ZNF780B: variants seen among roughly 807,000 people sequenced by gnomAD.
ZNF780B encodes the protein zinc finger protein 780B, also known as zinc finger protein 779.
ZNF780B carries 52 observed loss-of-function variants against 74.1 expected under a neutral mutation model. The ratio of observed to expected loss-of-function variants is 0.70; its 90% CI spans 0.56 to 0.88. The LOEUF is 0.88. Among genes scored for constraint, ZNF780B ranks in the 40% least tolerant of loss-of-function variants. The pLI is 0.00. For missense variants in ZNF780B, 953 were observed against 1,007.6 expected, an observed-to-expected ratio of 0.95 and a Z score of 0.73; for synonymous variants, 315 against 324.3, an observed-to-expected ratio of 0.97 and a Z score of 0.31.
chr19:40,050,932 G>A (rs1333385736), intron 1 of ZNF780B, among the ~76,000 whole-genome samples: 1 of 152,174 alleles, frequency 6.6e-6, no homozygotes, highest in East Asian at 1.9e-4. Flanking sequence ...GAATAGCCAT[G>A]TAATAGAATA....
At chr19:40,048,861 G>A in intron 2 of ZNF780B, 65 bp from the exon 3 acceptor site, 4 of 1,605,172 alleles carry the variant, frequency 2.5e-6, no homozygotes, top group Non-Finnish European at 3.4e-6. Context: ...GAAAGGAGAG[G>A]AAGTGAAGGA....
chr19:40,038,685 A>C (rs1972477969), intron 4 of ZNF780B, among the ~76,000 whole-genome samples: 1 of 151,928 alleles, frequency 6.6e-6, no homozygotes, highest in African/African-American at 2.4e-5. Context: ...GCATTTTTTC[A>C]TGTGTTTTTT....
At chr19:40,041,212 G>T (rs2144759344) in intron 4 of ZNF780B, among the ~76,000 whole-genome samples, 1 of 152,264 alleles carries the variant, frequency 6.6e-6, no homozygotes, top group South Asian at 2.1e-4. Flanking sequence ...GTAGTTGAGT[G>T]GTTTTGAGTG....
intron 4 of ZNF780B, among the ~76,000 whole-genome samples, chr19:40,038,061 C>G (rs1972438346): frequency 6.6e-6 from 1 of 151,988 alleles, no homozygotes; most frequent in South Asian, 2.1e-4. Context: ...TATCCCTCCC[C>G]ACCTCCTCCC....
chr19:40,053,511 A>G (rs1008297165), intron 1 of ZNF780B, among the ~76,000 whole-genome samples: 15 of 152,212 alleles, frequency 9.9e-5, no homozygotes, highest in African/African-American at 3.6e-4. Context: ...AGGTTCCTCA[A>G]AAAATTAGAA....
intron 4 of ZNF780B, 174 bp downstream of exon 4, chr19:40,047,201 C>T (rs1430277559): frequency 7.9e-6 from 5 of 634,342 alleles, no homozygotes; most frequent in Middle Eastern, 8.5e-4. Context: ...TTGGGGACAG[C>T]TCCTACAGTG....
At chr19:40,041,271 C>T (rs375527060) in intron 4 of ZNF780B, among the ~76,000 whole-genome samples, 3 of 152,072 alleles carry the variant, frequency 2.0e-5, no homozygotes, top group Non-Finnish European at 1.5e-5. Context: ...GTCTGAGAGA[C>T]AGTTTGTTAT....
intron 1 of ZNF780B, among the ~76,000 whole-genome samples, chr19:40,055,050 C>T (rs898290198): frequency 2.6e-5 from 4 of 152,208 alleles, no homozygotes; most frequent in Non-Finnish European, 5.9e-5. Flanking sequence ...TCCATTCTTC[C>T]CTACTTGGAA....
At chr19:40,047,351 C>T (rs769908826) in intron 4 of ZNF780B, 24 bp downstream of exon 4, 68 of 1,583,994 alleles carry the variant, frequency 4.3e-5, no homozygotes, top group Non-Finnish European at 5.7e-5. Flanking sequence ...ATGGCTTCCC[C>T]CTGCCTGCTT....
chr19:40,041,446 A>C (rs904115548), intron 4 of ZNF780B, among the ~76,000 whole-genome samples: 6 of 152,026 alleles, frequency 3.9e-5, no homozygotes, highest in Admixed American at 3.9e-4. Context: ...GCTGAGTTCA[A>C]TTTCTGGGTA....
intron 2 of ZNF780B, among the ~76,000 whole-genome samples, chr19:40,049,378 A>G (rs940617594): frequency 6.6e-6 from 1 of 152,214 alleles, no homozygotes; most frequent in Non-Finnish European, 1.5e-5. Flanking sequence ...GTAAAATTCA[A>G]AATAACTGAC....
rs774423631 is a variant in ZNF780B at position 40,029,522 on chromosome 19, A to C, written c.*4835T>G. On this transcript the variant is annotated 3_prime_UTR_variant, in exon 5 of 5. Transcript: ENST00000434248. Reference sequence around the variant, plus strand: ...AAACAAGAGCAGATCATAGAAATGTAAGTTGAGAAAATTCAGAGGGAACTT... The same window carrying C: ...AAACAAGAGCAGATCATAGAAATGTCAGTTGAGAAAATTCAGAGGGAACTT... 2.6e-5 allele frequency: 4 copies of C among 154,866 alleles called. No individual in the cohort carries two copies. Among genetic ancestry groups the C allele is most frequent in the Non-Finnish European group, 4.4e-5 (3 of 68,224 alleles). The allele number at this position is 154,866 out of a possible 1,614,324, so 9.6% of individuals were successfully genotyped here.
rs1049460407 is a variant in ZNF780B at position 40,033,042 on chromosome 19, C to T, written c.*1315G>A. The stretch of plus-strand genomic sequence containing the variant: ...GGGGGGGATATGTGTATATATTTTA[C>T]TATTCTTTCAAAACCCACAACAATT... On this transcript the variant is annotated 3_prime_UTR_variant, in exon 5 of 5. Coordinates refer to ENST00000434248, the MANE Select transcript of ZNF780B (RefSeq NM_001005851.3). 1 of 152,404 alleles carries T rather than the reference C, an allele frequency of 6.6e-6. No individual in the cohort carries two copies. The highest frequency in any genetic ancestry group is 3.3e-3 in the Middle Eastern group (1 of 300). The allele number at this position is 152,404 out of a possible 1,614,324, so 9.4% of individuals were successfully genotyped here.
At chr19:40,049,070 AAAAAG>A in intron 2 of ZNF780B, 5 of 383,708 alleles carry the variant, frequency 1.3e-5, no homozygotes, top group East Asian at 5.4e-5. Context: ...GAAAAAAAAA[AAAAAG>A]AAAGAAAGAA....
chr19:40,049,059 G>GT, intron 2 of ZNF780B: 4 of 351,420 alleles, frequency 1.1e-5, no homozygotes, highest in Admixed American at 4.5e-5. Flanking sequence ...TGCACTCCCT[G>GT]GAAAAAAAAA....
At chr19:40,054,731 GTAT>G (rs1319494123) in intron 1 of ZNF780B, among the ~76,000 whole-genome samples, 3 of 152,172 alleles carry the variant, frequency 2.0e-5, no homozygotes, top group Non-Finnish European at 2.9e-5. Context: ...AGGTTTTAGA[GTAT>G]TAATTCATTC....
intron 2 of ZNF780B, among the ~76,000 whole-genome samples, chr19:40,049,993 C>T (rs1158952223): frequency 6.6e-6 from 1 of 151,846 alleles, no homozygotes; most frequent in Admixed American, 6.6e-5. Context: ...GTCAGGAGAT[C>T]GAGACCATCC....
rs17654098 is a variant in ZNF780B, at chr19:40,032,015, G to A, written c.*2342C>T. Reference sequence around the variant, plus strand: ...CCTACAAAGTATTCTTCCCCAAAACGTTTAATCTAGACCTAAGAAAGCCTC... The same window carrying A: ...CCTACAAAGTATTCTTCCCCAAAACATTTAATCTAGACCTAAGAAAGCCTC... On this transcript the variant is annotated 3_prime_UTR_variant, in exon 5 of 5. Coordinates refer to ENST00000434248, the MANE Select transcript of ZNF780B (RefSeq NM_001005851.3). The A allele has an allele frequency of 0.018, 8,117 of 450,900 alleles. 129 individuals are homozygous for A. Among genetic ancestry groups the A allele is most frequent in the South Asian group, 0.04 (2,560 of 64,066 alleles). The allele number at this position is 450,900 out of a possible 1,614,324, so 27.9% of individuals were successfully genotyped here.
chr19:40,039,629 T>A (rs1471647844), intron 4 of ZNF780B, among the ~76,000 whole-genome samples: 2 of 152,148 alleles, frequency 1.3e-5, no homozygotes, highest in African/African-American at 4.8e-5. Context: ...GTCCTTCACA[T>A]CCCTTGTAAG....
Sources: allele counts gnomAD v4.1 joint callset (sites outside exome capture counted in the v4.1 genomes callset), GRCh38; gene constraint gnomAD v4.1.1; transcripts MANE v1.5; gene names NCBI Gene and HGNC (gene_info 2026-07-23, HGNC 2026-07-21).